PCDH11X: variants seen among roughly 807,000 people sequenced by gnomAD.
PCDH11X encodes protocadherin-11 X-linked.
In PCDH11X, 18 loss-of-function variants were observed where a neutral mutation model predicts 53.3. That is an observed-to-expected ratio of 0.34 (90% confidence interval 0.23 to 0.50). The LOEUF (loss-of-function observed/expected upper bound fraction) is 0.50. Among genes scored for constraint, PCDH11X ranks in the 20% least tolerant of loss-of-function variants. The pLI, the probability that PCDH11X is intolerant of heterozygous loss-of-function variation, is 0.98. For synonymous variants in PCDH11X, 279 were observed against 393.3 expected (o/e 0.71, Z 3.44); for missense variants, 570 against 1,032.4 (o/e 0.55, Z 6.14).
At chrX:91,947,761 G>T (rs1246964091) in intron 6 of PCDH11X, among the ~76,000 whole-genome samples, 2 of 106,086 alleles carry the variant, frequency 1.9e-5, no homozygotes, top group Non-Finnish European at 3.9e-5. Context: ...CTGGTGTGTG[G>T]GATATGGTTG....
intron 5 of PCDH11X, among the ~76,000 whole-genome samples, chrX:91,865,976 C>G (rs1938965763): frequency 1.8e-5 from 2 of 109,021 alleles, no homozygotes; most frequent in Admixed American, 9.8e-5. Flanking sequence ...CCCAAAAGCC[C>G]ACTTGGTGCT....
At chrX:92,449,460 AATTTAG>A (rs1187901794) in intron 9 of PCDH11X, among the ~76,000 whole-genome samples, 2 of 111,785 alleles carry the variant, frequency 1.8e-5, no homozygotes, top group Non-Finnish European at 3.8e-5. Flanking sequence ...ATTAATTCAA[AATTTAG>A]TCCCTGATAT....
chrX:92,068,317 G>A (rs1325862948), intron 6 of PCDH11X, among the ~76,000 whole-genome samples: 1 of 110,229 alleles, frequency 9.1e-6, no homozygotes, highest in Non-Finnish European at 1.9e-5. Flanking sequence ...CTCCCCCTTA[G>A]TACTGCTTTT....
intron 8 of PCDH11X, among the ~76,000 whole-genome samples, chrX:92,348,449 G>A (rs2522691): frequency 1.8e-5 from 2 of 109,337 alleles, no homozygotes; most frequent in Admixed American, 9.8e-5. Flanking sequence ...ATCCAAGTTC[G>A]GGGATTGAGA....
intron 8 of PCDH11X, among the ~76,000 whole-genome samples, chrX:92,375,557 T>G (rs1161372406): frequency 6.4e-5 from 7 of 108,747 alleles, no homozygotes; most frequent in Non-Finnish European, 1.1e-4. Context: ...GCTAGTAGTA[T>G]CTAGTTAAAG....
At chrX:92,352,909 A>G (rs182195791) in intron 8 of PCDH11X, among the ~76,000 whole-genome samples, 1,625 of 109,760 alleles carry the variant, frequency 0.015, 15 homozygotes, top group South Asian at 0.048. Flanking sequence ...CAGGGTGTCT[A>G]TGGATTCTCT....
rs11395607 is a variant in PCDH11X at position 92,531,614 on chromosome X, GA to G, written c.3367+63300del. ...GCAGCTAAATACTGATACTAATACT[GA>G]AAAAAAATGACAATATTTGACATAC... On this transcript the variant is annotated intron_variant, in intron 10 of 10. Coordinates refer to ENST00000682573, the MANE Select transcript of PCDH11X (RefSeq NM_032968.5). Among the ~76,000 whole-genome samples the G allele has an allele frequency of 4.0e-3, 423 of 104,580 alleles. 1 individual carries two copies. The highest frequency in any genetic ancestry group is 0.014 in the African/African-American group (404 of 29,059). The allele number at this position is 104,580 out of a possible 115,157, so 90.8% of individuals were successfully genotyped here.
At chrX:92,131,054 A>G (rs1273773048) in intron 6 of PCDH11X, among the ~76,000 whole-genome samples, 1 of 111,444 alleles carries the variant, frequency 9.0e-6, no homozygotes, top group East Asian at 2.8e-4. Context: ...AAAACACATT[A>G]CCACTTAACA....
chrX:92,151,034 G>C (rs1377207071), intron 6 of PCDH11X, among the ~76,000 whole-genome samples: 1 of 110,583 alleles, frequency 9.0e-6, no homozygotes, highest in African/African-American at 3.3e-5. Flanking sequence ...AAAGTGACAA[G>C]AACCAGTATC....
At chrX:92,184,083 A>G (rs2066048998) in intron 6 of PCDH11X, among the ~76,000 whole-genome samples, 1 of 111,968 alleles carries the variant, frequency 8.9e-6, no homozygotes, top group African/African-American at 3.2e-5. Context: ...CATGTGGAAC[A>G]GTGTATAACA....
rs1286877835 is a variant in PCDH11X, at chrX:91,990,732, T to TGG, written c.3033+111462_3033+111463dup. On this transcript the variant is annotated intron_variant, in intron 6 of 10. Transcript: ENST00000682573. ...GCAGGGGCTCCTACTTACTGCTAGGTGGGGCTAGGGTATACCTTTTTTCTA... is the reference window on the plus strand; with the variant it reads ...GCAGGGGCTCCTACTTACTGCTAGGTGGGGGGCTAGGGTATACCTTTTTTCTA... Among the ~76,000 whole-genome samples, 3 of 103,580 alleles carry TGG rather than the reference T, an allele frequency of 2.9e-5. No individual in the cohort carries two copies. The Admixed American group carries it at 3.1e-4, about 11-fold the overall frequency. The allele number at this position is 103,580 out of a possible 115,157, so 89.9% of individuals were successfully genotyped here.
intron 5 of PCDH11X, among the ~76,000 whole-genome samples, chrX:91,860,498 T>C (rs2147685913): frequency 9.0e-6 from 1 of 110,919 alleles, no homozygotes; most frequent in Admixed American, 9.6e-5. Flanking sequence ...TCCAATACTA[T>C]GTTGAATAGG....
chrX:92,327,675 G>A (rs1207396944), intron 8 of PCDH11X, among the ~76,000 whole-genome samples: 1 of 109,674 alleles, frequency 9.1e-6, no homozygotes, highest in African/African-American at 3.3e-5. Flanking sequence ...TATGCACCTG[G>A]GATTAGTACA....
chrX:92,545,275 A>C (rs1211672649), intron 10 of PCDH11X, among the ~76,000 whole-genome samples: 2 of 109,410 alleles, frequency 1.8e-5, no homozygotes, highest in African/African-American at 6.7e-5. Flanking sequence ...TTAGAGGCTT[A>C]TTTATTCCAA....
chrX:92,075,850 C>A (rs1420621233), intron 6 of PCDH11X, among the ~76,000 whole-genome samples: 1 of 110,954 alleles, frequency 9.0e-6, no homozygotes, highest in East Asian at 2.8e-4. Flanking sequence ...CTATTGTGAT[C>A]AATTTCCCCA....
At position 92,414,127 on chromosome X, in the gene PCDH11X, G is replaced by A. The variant is rs948849996; in HGVS notation, c.3343+26194G>A. Among the ~76,000 whole-genome samples the A allele has an allele frequency of 3.7e-5, 4 of 106,966 alleles. No homozygotes were observed. The Admixed American group carries it at 4.1e-4, about 11-fold the overall frequency. The allele number at this position is 106,966 out of a possible 115,157, so 92.9% of individuals were successfully genotyped here. ...AAGTCTCTTGAAAGGGTTGGTTTCT[G>A]TTTAATCCTTAGAGAAGAAAGCCTA... On this transcript the variant is annotated intron_variant, in intron 9 of 10. Transcript: ENST00000682573.
At chrX:91,889,047 A>C (rs1260096958) in intron 6 of PCDH11X, among the ~76,000 whole-genome samples, 1 of 111,556 alleles carries the variant, frequency 9.0e-6, no homozygotes, top group Non-Finnish European at 1.9e-5. Context: ...AGTGACACAA[A>C]CTTGAAGCAA....
At chrX:92,407,823 A>G (rs2071554578) in intron 9 of PCDH11X, among the ~76,000 whole-genome samples, 1 of 110,289 alleles carries the variant, frequency 9.1e-6, no homozygotes, top group Admixed American at 9.6e-5. Context: ...GTATGAGGTT[A>G]CTCTTCCCCT....
chrX:92,420,872 AT>A (rs35478650), intron 9 of PCDH11X, among the ~76,000 whole-genome samples: 3 of 110,318 alleles, frequency 2.7e-5, no homozygotes, highest in Non-Finnish European at 3.8e-5. Flanking sequence ...ATTTCTTCAC[AT>A]TTTTTTTATG....
Sources: allele counts gnomAD v4.1 joint callset (sites outside exome capture counted in the v4.1 genomes callset), GRCh38; gene constraint gnomAD v4.1.1; transcripts MANE v1.5; gene names NCBI Gene and HGNC (gene_info 2026-07-23, HGNC 2026-07-21).